Variants in DPP6 observed in about 807,000 individuals in gnomAD.
The protein encoded by DPP6 is dipeptidyl peptidase like 6, also known as A-type potassium channel modulatory protein DPP6.
DPP6 carries 69 observed loss-of-function variants against 122.6 expected under a neutral mutation model. The observed-to-expected ratio is 0.56, with a 90% CI of 0.46 to 0.69. The LOEUF (loss-of-function observed/expected upper bound fraction) is 0.69, where lower values mean the gene tolerates loss of function less well. Ranked by LOEUF, DPP6 falls within the 30% of genes least tolerant of loss-of-function variation. The pLI is 0.00. For synonymous variants in DPP6, 418 were observed against 433.1 expected, an observed-to-expected ratio of 0.97 and a Z score of 0.43; for missense variants, 928 against 1,116.9, an observed-to-expected ratio of 0.83 and a Z score of 2.41.
chr7:153,878,006 A>G, the DPP6 span, among the ~76,000 whole-genome samples: 3 of 152,234 alleles, frequency 2.0e-5, no homozygotes, highest in African/African-American at 4.8e-5. Flanking sequence ...TAAGAAACAT[A>G]TAAAAGCTTT....
chr7:154,076,304 G>T (rs531715763), intron 1 of DPP6, among the ~76,000 whole-genome samples: 1 of 152,212 alleles, frequency 6.6e-6, no homozygotes, highest in Admixed American at 6.5e-5. Flanking sequence ...ACAAAAATTA[G>T]CCATGCACAG....
chr7:154,754,263 C>T (rs1241417172), intron 8 of DPP6, among the ~76,000 whole-genome samples: 3 of 152,104 alleles, frequency 2.0e-5, no homozygotes, highest in Admixed American at 2.0e-4. Flanking sequence ...AAAACTAAAG[C>T]CAGACTATGT....
the DPP6 span, among the ~76,000 whole-genome samples, chr7:153,855,899 C>A: frequency 6.6e-6 from 1 of 152,116 alleles, no homozygotes; most frequent in Non-Finnish European, 1.5e-5. Context: ...ATTTCCCAGT[C>A]TTACCTTTTA....
At chr7:154,170,718 A>G (rs2150728036) in intron 1 of DPP6, among the ~76,000 whole-genome samples, 1 of 152,360 alleles carries the variant, frequency 6.6e-6, no homozygotes, top group African/African-American at 2.4e-5. Context: ...GAAGGGAAGG[A>G]GGAGAAGCTT....
At chr7:153,993,745 C>G in intron 1 of DPP6, among the ~76,000 whole-genome samples, 1 of 152,154 alleles carries the variant, frequency 6.6e-6, no homozygotes, top group Non-Finnish European at 1.5e-5. Flanking sequence ...TTGAGTAAAG[C>G]TAATCATTTT....
chr7:153,830,457 T>G, the DPP6 span, among the ~76,000 whole-genome samples: 6 of 152,324 alleles, frequency 3.9e-5, no homozygotes, highest in South Asian at 1.0e-3. Flanking sequence ...GGTCTTTGAT[T>G]AATGGTCTTA....
At chr7:153,783,853 A>C in the DPP6 span, among the ~76,000 whole-genome samples, 3 of 152,228 alleles carry the variant, frequency 2.0e-5, no homozygotes, top group Non-Finnish European at 4.4e-5. Context: ...AGGAGCCCCA[A>C]GTTGGAAACA....
chr7:154,317,962 A>C (rs1807579621), intron 1 of DPP6, among the ~76,000 whole-genome samples: 1 of 152,226 alleles, frequency 6.6e-6, no homozygotes, highest in Admixed American at 6.5e-5. Flanking sequence ...CAACAAATGC[A>C]TGCCAAGTAA....
At chr7:153,797,881 G>A in the DPP6 span, among the ~76,000 whole-genome samples, 7 of 151,888 alleles carry the variant, frequency 4.6e-5, 1 homozygote, top group South Asian at 4.2e-4. Flanking sequence ...TCGCTCTGTC[G>A]CCCAAGCTGG....
the DPP6 span, among the ~76,000 whole-genome samples, chr7:153,860,871 A>G: frequency 2.0e-5 from 3 of 152,228 alleles, no homozygotes; most frequent in Non-Finnish European, 2.9e-5. Context: ...AGAGACACAC[A>G]AATACACACC....
At chr7:154,535,140 G>A (rs191443220) in intron 3 of DPP6, among the ~76,000 whole-genome samples, 234 of 152,080 alleles carry the variant, frequency 1.5e-3, no homozygotes, top group African/African-American at 5.3e-3. Flanking sequence ...TTTCAACAAC[G>A]TACTGGAATA....
the DPP6 span, among the ~76,000 whole-genome samples, chr7:153,752,973 A>C: frequency 6.6e-6 from 1 of 152,184 alleles, no homozygotes; most frequent in Non-Finnish European, 1.5e-5. Context: ...GCATATAGTA[A>C]GCATTTATTA....
the DPP6 span, among the ~76,000 whole-genome samples, chr7:153,801,351 T>C: frequency 1.3e-5 from 2 of 151,368 alleles, no homozygotes; most frequent in African/African-American, 4.9e-5. Context: ...ATAAATTCTA[T>C]GTCAGGTCTC....
At chr7:154,713,309 A>T (rs992155759) in intron 7 of DPP6, among the ~76,000 whole-genome samples, 1 of 152,148 alleles carries the variant, frequency 6.6e-6, no homozygotes, top group African/African-American at 2.4e-5. Context: ...TGGATCTACC[A>T]TTCTGGGATC....
intron 1 of DPP6, among the ~76,000 whole-genome samples, chr7:154,025,138 C>A (rs1300312395): frequency 6.6e-6 from 1 of 152,110 alleles, no homozygotes; most frequent in African/African-American, 2.4e-5. Context: ...GTATTTAAAA[C>A]TTTGGGCTAA....
At chr7:154,234,937 C>T (rs1193175951) in intron 1 of DPP6, among the ~76,000 whole-genome samples, 3 of 152,310 alleles carry the variant, frequency 2.0e-5, no homozygotes, top group South Asian at 2.1e-4. Context: ...GCCCCTCTTC[C>T]AAAATCTTGA....
chr7:153,817,403 T>G, the DPP6 span, among the ~76,000 whole-genome samples: 1 of 140,278 alleles, frequency 7.1e-6, no homozygotes, highest in Admixed American at 7.0e-5. Context: ...AAGATGTAAA[T>G]GTGGAAAACA....
In DPP6 at chr7:153,911,059, G is replaced by A. The variant is rs76042972; in HGVS notation, c.51+23325G>A. Among the ~76,000 whole-genome samples, 324 of 152,314 alleles carry A rather than the reference G, an allele frequency of 2.1e-3. 2 individuals carry two copies. Among genetic ancestry groups the A allele is most frequent in the African/African-American group, 7.6e-3 (314 of 41,574 alleles). On this transcript the variant is annotated intron_variant, in intron 1 of 25. Coordinates refer to the DPP6 transcript ENST00000404039. ...TCAGATTACTTCACTCACTAGCTCT[G>A]CACTCTGCTAGGATAAAACCATATT...
intron 1 of DPP6, among the ~76,000 whole-genome samples, chr7:154,056,236 C>A (rs1044638179): frequency 2.0e-5 from 3 of 152,012 alleles, no homozygotes; most frequent in African/African-American, 7.2e-5. Flanking sequence ...ACCAGAGGGT[C>A]TTCTCTATCC....
Sources: gnomAD v4.1 joint callset for allele counts (sites outside exome capture counted in the v4.1 genomes callset) on GRCh38, gnomAD v4.1.1 for gene constraint, MANE v1.5 for transcripts, NCBI Gene and HGNC (gene_info 2026-07-23, HGNC 2026-07-21) for gene names.